The following UTRN variants were observed in gnomAD, a reference collection of about 807,000 sequenced individuals.
UTRN encodes utrophin.
A neutral mutation model predicts 463.9 loss-of-function variants in UTRN; 283 were observed. The ratio of observed to expected loss-of-function variants is 0.61; its 90% CI spans 0.55 to 0.67. The LOEUF (loss-of-function observed/expected upper bound fraction) is 0.67. Among genes scored for constraint, UTRN ranks in the 30% least tolerant of loss-of-function variants. The pLI is 0.00. For missense variants in UTRN, 3,922 were observed against 4,084.3 expected, an observed-to-expected ratio of 0.96 and a Z score of 1.08; for synonymous variants, 1,442 against 1,431.5, an observed-to-expected ratio of 1.01 and a Z score of -0.17.
chr6:144,632,661 G>A (rs549574069), intron 51 of UTRN, among the ~76,000 whole-genome samples: 2 of 150,618 alleles, frequency 1.3e-5, no homozygotes, highest in Admixed American at 6.6e-5. Flanking sequence ...CCCGTGATTT[G>A]TTTTCACAAA....
chr6:144,354,620 T>A (rs1329806864), intron 2 of UTRN, among the ~76,000 whole-genome samples: 3 of 152,132 alleles, frequency 2.0e-5, no homozygotes, highest in Non-Finnish European at 1.5e-5. Flanking sequence ...ATTGAGCAGT[T>A]CTCTGCTGGA....
At chr6:144,599,991 A>C (rs6919793) in intron 51 of UTRN, among the ~76,000 whole-genome samples, 5 of 152,004 alleles carry the variant, frequency 3.3e-5, no homozygotes, top group Non-Finnish European at 7.4e-5. Flanking sequence ...ATTATTATAT[A>C]TTATTTTACC....
chr6:144,424,653 G>A (rs781564443), intron 6 of UTRN, among the ~76,000 whole-genome samples: 1 of 152,108 alleles, frequency 6.6e-6, no homozygotes, highest in Non-Finnish European at 1.5e-5. Flanking sequence ...CCTTTCTTAT[G>A]TTAAATTTTA....
chr6:144,389,733 G>C (rs1216236773), intron 2 of UTRN, among the ~76,000 whole-genome samples: 1 of 152,080 alleles, frequency 6.6e-6, no homozygotes, highest in Non-Finnish European at 1.5e-5. Flanking sequence ...TGAGTAGCTG[G>C]GATTGCAGGC....
intron 51 of UTRN, among the ~76,000 whole-genome samples, chr6:144,617,361 C>T (rs760320506): frequency 1.8e-4 from 27 of 152,218 alleles, no homozygotes; most frequent in Non-Finnish European, 3.7e-4. Context: ...TATTCTGAAA[C>T]CATCATCATG....
At chr6:144,845,815 A>G (rs73596388) in intron 73 of UTRN, among the ~76,000 whole-genome samples, 13,827 of 151,884 alleles carry the variant, frequency 0.091, 707 homozygotes, top group South Asian at 0.15. Flanking sequence ...TTCTCCCCCA[A>G]ATACCGGGCC....
chr6:144,359,968 T>C (rs1033532357), intron 2 of UTRN, among the ~76,000 whole-genome samples: 1 of 152,120 alleles, frequency 6.6e-6, no homozygotes, highest in African/African-American at 2.4e-5. Flanking sequence ...CAGTGATATA[T>C]GTCCTGTAAC....
At chr6:144,424,367 C>T (rs766280466) in intron 6 of UTRN, among the ~76,000 whole-genome samples, 3 of 152,098 alleles carry the variant, frequency 2.0e-5, no homozygotes, top group African/African-American at 7.2e-5. Context: ...CCAGTGTTGA[C>T]GTGGTGTTCT....
intron 2 of UTRN, among the ~76,000 whole-genome samples, chr6:144,344,701 T>C (rs971656823): frequency 6.6e-6 from 1 of 152,336 alleles, no homozygotes; most frequent in East Asian, 1.9e-4. Flanking sequence ...CCTCATCCCA[T>C]ATTGTATTTG....
chr6:144,746,150 G>A (rs985061510), intron 54 of UTRN, among the ~76,000 whole-genome samples: 34 of 151,730 alleles, frequency 2.2e-4, no homozygotes, highest in Non-Finnish European at 3.5e-4. Flanking sequence ...ACAGGCATGC[G>A]CTACCATACC....
intron 65 of UTRN, among the ~76,000 whole-genome samples, chr6:144,806,058 G>A (rs552877170): frequency 6.6e-6 from 1 of 152,212 alleles, no homozygotes; most frequent in South Asian, 2.1e-4. Flanking sequence ...ATATCATAAA[G>A]TAAATATATG....
At chr6:144,386,067 T>G (rs9496950) in intron 2 of UTRN, among the ~76,000 whole-genome samples, 30,560 of 152,058 alleles carry the variant, frequency 0.2, 4,974 homozygotes, top group African/African-American at 0.44. Context: ...ATTAGGAAAG[T>G]GAGTGGCCTG....
intron 51 of UTRN, among the ~76,000 whole-genome samples, chr6:144,616,601 T>A (rs1298541527): frequency 6.6e-6 from 1 of 151,918 alleles, no homozygotes; most frequent in Non-Finnish European, 1.5e-5. Flanking sequence ...TTTCACACAA[T>A]CTAAAATTAA....
intron 53 of UTRN, among the ~76,000 whole-genome samples, chr6:144,719,698 G>A (rs1437215240): frequency 1.3e-5 from 2 of 152,212 alleles, no homozygotes; most frequent in East Asian, 1.9e-4. Flanking sequence ...CTAGAAATGA[G>A]GGTGTATTAG....
Position 144,531,175 on chromosome 6 carries a change from C to G in UTRN, c.6030C>G (p.Asp2010Glu). 1 of 1,613,850 alleles carries G rather than the reference C, an allele frequency of 6.2e-7. No individual in the cohort carries two copies. Among genetic ancestry groups the G allele is most frequent in the South Asian group, 1.1e-5 (1 of 91,042 alleles). The part of the protein sequence containing the change: ...VDTCAPGGSL[D>E]LEKARIHQQE... ...CCTGTGCTCCAGGTGGCAGCCTGGA[C>G]TTAGAGAAAGCCAGGATACATCAGC... The change falls in exon 42 of 75, where the codon GAC becomes GAG. Residue 2010 changes from aspartate to glutamate, a missense_variant. Around this residue, in one of 3 missense-constraint regions of UTRN, gnomAD observed 2,349 missense variants for 2,303.8 expected, o/e 1.02. Transcript: ENST00000367545.
At chr6:144,434,621 C>T (rs2114883988) in intron 9 of UTRN, among the ~76,000 whole-genome samples, 1 of 152,238 alleles carries the variant, frequency 6.6e-6, no homozygotes, top group Middle Eastern at 3.4e-3. Flanking sequence ...GTTTGGAATC[C>T]AGACTCCTAG....
intron 5 of UTRN, 127 bp downstream of exon 5, chr6:144,423,753 T>A (rs1042104655): frequency 8.4e-7 from 1 of 1,188,876 alleles, no homozygotes; most frequent in African/African-American, 1.5e-5. Flanking sequence ...TGAGAAATAC[T>A]GAACTTTTTC....
In UTRN at chr6:144,461,232, A is replaced by G. The variant is rs1562435446; in HGVS notation, c.2743A>G (p.Thr915Ala). 1 of 1,607,538 alleles carries G rather than the reference A, an allele frequency of 6.2e-7. No homozygotes were observed. Among genetic ancestry groups the G allele is most frequent in the Non-Finnish European group, 8.5e-7 (1 of 1,176,410 alleles). Reference sequence around the variant, plus strand: ...CCAACCTGGACATGCATATCTGGAAACATTGAAAACACTGAAAGATGTGCT... The same window carrying G: ...CCAACCTGGACATGCATATCTGGAAGCATTGAAAACACTGAAAGATGTGCT... ...KGQPGHAYLETLKTLKDVLND... is the reference protein window; with the variant it reads ...KGQPGHAYLEALKTLKDVLND... The change falls in exon 22 of 75, where the codon ACA becomes GCA. Residue 915 changes from threonine to alanine, a missense_variant. By Grantham distance (58) the Thr-to-Ala change is moderately conservative (BLOSUM62 0). Around this residue, in one of 3 missense-constraint regions of UTRN, gnomAD observed 2,349 missense variants for 2,303.8 expected, o/e 1.02. Coordinates refer to ENST00000367545, the MANE Select transcript of UTRN (RefSeq NM_007124.3).
At chr6:144,326,553 C>T (rs776423639) in intron 2 of UTRN, among the ~76,000 whole-genome samples, 3 of 152,196 alleles carry the variant, frequency 2.0e-5, no homozygotes, top group South Asian at 2.1e-4. Flanking sequence ...TTCTCTGAGA[C>T]ATTTTACACT....
Sources: gnomAD v4.1 joint callset for allele counts (sites outside exome capture counted in the v4.1 genomes callset) on GRCh38, gnomAD v4.1.1 for gene constraint, gnomAD v4.1.1 regional missense constraint, MANE v1.5 for transcripts, NCBI Gene and HGNC (gene_info 2026-07-23, HGNC 2026-07-21) for gene names.